GALNT16: variants seen among roughly 807,000 people sequenced by gnomAD.
The protein encoded by GALNT16 is polypeptide N-acetylgalactosaminyltransferase 16.
GALNT16 carries 40 observed loss-of-function variants against 76.1 expected under a neutral mutation model. The observed-to-expected ratio is 0.53, with a 90% CI of 0.41 to 0.68. The LOEUF is 0.68. Among genes scored for constraint, GALNT16 ranks in the 30% least tolerant of loss-of-function variants. GALNT16 has a pLI of 0.00. For synonymous variants in GALNT16, 276 were observed against 285.2 expected (o/e 0.97, Z 0.32); for missense variants, 621 against 731.9 (o/e 0.85, Z 1.75).
In GALNT16 at chr14:69,333,052, T is replaced by G; in HGVS notation, c.779-33T>G. The G allele has an allele frequency of 6.6e-7, 1 of 1,510,964 alleles. No individual in the cohort carries two copies. Among genetic ancestry groups the G allele is most frequent in the South Asian group, 1.1e-5 (1 of 88,964 alleles). 93.6% of individuals were successfully genotyped at this position (1,510,964 alleles called of 1,614,324 possible). A position where few individuals can be genotyped will look rare whatever the true frequency, so the allele number is the denominator to read the frequency against. ...GTCTCAGCAGCCCGCAGCTCTGCCC[T>G]GAGCTCTGTCCTCACCTTGCTGTGT... On this transcript the variant is annotated intron_variant, in intron 7 of 14. Transcript: ENST00000448469. This position sits in a 1 kb window ranked among gnomAD's most constrained non-coding sequence, Gnocchi z 4.2.
the GALNT16 span, among the ~76,000 whole-genome samples, chr14:69,386,227 C>T: frequency 2.0e-5 from 3 of 152,322 alleles, no homozygotes; most frequent in East Asian, 3.9e-4. Context: ...CCATGATTGG[C>T]TCCAGTGGTG....
intron 5 of GALNT16, among the ~76,000 whole-genome samples, chr14:69,326,947 C>T (rs1177727069): frequency 6.6e-6 from 1 of 152,170 alleles, no homozygotes; most frequent in African/African-American, 2.4e-5. Context: ...AGACCCCAGG[C>T]CTGGTCAGCA....
chr14:69,315,028 A>G (rs1020522393), intron 1 of GALNT16, among the ~76,000 whole-genome samples: 11 of 152,216 alleles, frequency 7.2e-5, no homozygotes, highest in African/African-American at 2.7e-4. Flanking sequence ...AAGAAAGTTT[A>G]CAAGGCTTGG....
At chr14:69,321,285 T>C (rs933814451) in intron 2 of GALNT16, among the ~76,000 whole-genome samples, 2 of 152,172 alleles carry the variant, frequency 1.3e-5, no homozygotes, top group Non-Finnish European at 2.9e-5. Context: ...GCACCACAGC[T>C]CCACCTCCTC....
intron 1 of GALNT16, among the ~76,000 whole-genome samples, chr14:69,316,305 G>A (rs1187406110): frequency 6.6e-6 from 1 of 152,202 alleles, no homozygotes; most frequent in Non-Finnish European, 1.5e-5. Flanking sequence ...CATGTATTCA[G>A]TAGCTATTGT....
chr14:69,327,670 T>C (rs535723516), intron 5 of GALNT16, among the ~76,000 whole-genome samples: 8 of 152,314 alleles, frequency 5.3e-5, no homozygotes, highest in African/African-American at 1.7e-4. Context: ...TCCAAGGAGC[T>C]GCTTATACTC....
chr14:69,369,087 T>C, the GALNT16 span, among the ~76,000 whole-genome samples: 1 of 152,158 alleles, frequency 6.6e-6, no homozygotes, highest in African/African-American at 2.4e-5. Context: ...GAGAGAATGA[T>C]GACTGACTAA....
Position 69,333,233 on chromosome 14 carries a change from T to C in GALNT16, c.863+64T>C. The C allele has an allele frequency of 8.6e-7, 1 of 1,156,984 alleles. No homozygotes were observed. 71.7% of individuals were successfully genotyped at this position (1,156,984 alleles called of 1,614,324 possible). On this transcript the variant is annotated intron_variant, in intron 8 of 14. Transcript: ENST00000448469. The surrounding 1 kb of genome is among the most constrained non-coding windows in gnomAD (Gnocchi z 4.2). ...CCTGGGTCAGGGGCCTGGGAGGCTCTTGGGAGGCTGTATCGGTCGCTTGGG... is the reference window on the plus strand; with the variant it reads ...CCTGGGTCAGGGGCCTGGGAGGCTCCTGGGAGGCTGTATCGGTCGCTTGGG...
At chr14:69,309,086 T>A (rs2044978288) in intron 1 of GALNT16, among the ~76,000 whole-genome samples, 1 of 152,192 alleles carries the variant, frequency 6.6e-6, no homozygotes, top group African/African-American at 2.4e-5. Context: ...TTGAACATCT[T>A]TTCATTTATT....
intron 1 of GALNT16, among the ~76,000 whole-genome samples, chr14:69,284,571 G>T (rs1284126462): frequency 1.3e-5 from 2 of 152,200 alleles, no homozygotes; most frequent in Non-Finnish European, 2.9e-5. Context: ...CTTCGGTACA[G>T]GAACCTCTTA....
At chr14:69,327,317 C>T (rs1033438281) in intron 5 of GALNT16, among the ~76,000 whole-genome samples, 7 of 152,096 alleles carry the variant, frequency 4.6e-5, no homozygotes, top group Non-Finnish European at 7.4e-5. Context: ...AAGATTGCGC[C>T]ACTGCACTCC....
intron 1 of GALNT16, among the ~76,000 whole-genome samples, chr14:69,291,406 T>C (rs1020094242): frequency 6.6e-6 from 1 of 152,258 alleles, no homozygotes; most frequent in African/African-American, 2.4e-5. Context: ...GACTTGGCTC[T>C]GACTTTCCGA....
downstream of GALNT16, chr14:69,356,552 C>CTTTTT (rs771252426): frequency 1.2e-5 from 1 of 81,078 alleles, no homozygotes. Context: ...CAGCTGTGAG[C>CTTTTT]TCTTTTTTTT....
chr14:69,281,837 G>A (rs758261901), intron 1 of GALNT16, among the ~76,000 whole-genome samples: 3 of 152,140 alleles, frequency 2.0e-5, no homozygotes, highest in African/African-American at 4.8e-5. Flanking sequence ...TCCTCTGCCC[G>A]AGGGTGGGTG....
intron 1 of GALNT16, among the ~76,000 whole-genome samples, chr14:69,289,597 G>T (rs989775630): frequency 1.2e-4 from 19 of 152,118 alleles, no homozygotes; most frequent in African/African-American, 4.6e-4. Flanking sequence ...TTCCATGGTG[G>T]TGATAGTGGT....
At chr14:69,339,841 A>T (rs973572823) in intron 11 of GALNT16, among the ~76,000 whole-genome samples, 2 of 152,248 alleles carry the variant, frequency 1.3e-5, no homozygotes, top group African/African-American at 4.8e-5. Flanking sequence ...AGGCTCGCTT[A>T]TGAAAAAGAG....
intron 1 of GALNT16, among the ~76,000 whole-genome samples, chr14:69,266,717 G>A (rs1294819423): frequency 6.6e-6 from 1 of 152,120 alleles, no homozygotes; most frequent in Non-Finnish European, 1.5e-5. Flanking sequence ...GCAGGAAAGG[G>A]AGAAAAAAGA....
the GALNT16 span, among the ~76,000 whole-genome samples, chr14:69,376,201 C>T: frequency 1.3e-5 from 2 of 152,184 alleles, no homozygotes; most frequent in Admixed American, 6.5e-5. Flanking sequence ...CACACCTGGC[C>T]TAAGATCCAT....
Position 69,340,463 on chromosome 14 carries a change from G to A in GALNT16, c.1187+844G>A, listed in dbSNP as rs147316092. ...GGTACTCGATGCGTGGCGAATTCAA[G>A]TTTGGCTTTGGAACCTTGTGGAATT... On this transcript the variant is annotated intron_variant, in intron 11 of 14. Transcript: ENST00000448469. Among the ~76,000 whole-genome samples the A allele has an allele frequency of 3.1e-3, 465 of 150,486 alleles. 2 individuals are homozygous for A. Among genetic ancestry groups the A allele is most frequent in the Non-Finnish European group, 5.4e-3 (368 of 67,780 alleles).
Sources: allele counts gnomAD v4.1 joint callset (sites outside exome capture counted in the v4.1 genomes callset), GRCh38; gene constraint gnomAD v4.1.1; non-coding constraint Gnocchi (gnomAD v3.1); transcripts MANE v1.5; gene names NCBI Gene and HGNC (gene_info 2026-07-23, HGNC 2026-07-21).